The following IL1RAPL1 variants were observed in gnomAD, a reference collection of about 807,000 sequenced individuals.
The protein encoded by IL1RAPL1 is interleukin 1 receptor accessory protein like 1, also known as interleukin-1 receptor accessory protein-like 1.
In IL1RAPL1, 3 loss-of-function variants were observed where a neutral mutation model predicts 48.4. The observed-to-expected ratio is 0.06, with a 90% CI of 0.03 to 0.16. IL1RAPL1 has a LOEUF of 0.16. Among genes scored for constraint, IL1RAPL1 ranks in the 10% least tolerant of loss-of-function variants. The pLI, the probability that IL1RAPL1 is intolerant of heterozygous loss-of-function variation, is 1.00. For missense variants in IL1RAPL1, 349 were observed against 530.6 expected (o/e 0.66, Z 3.36); for synonymous variants, 185 against 187.7 (o/e 0.99, Z 0.12).
At chrX:29,434,617 T>C (rs1034854227) in intron 5 of IL1RAPL1, among the ~76,000 whole-genome samples, 3 of 111,126 alleles carry the variant, frequency 2.7e-5, no homozygotes, top group Non-Finnish European at 1.9e-5. Flanking sequence ...TTTCCTAATA[T>C]TTTGAGTGGA....
chrX:29,675,529 A>C (rs1047872881), intron 6 of IL1RAPL1, among the ~76,000 whole-genome samples: 2 of 112,666 alleles, frequency 1.8e-5, no homozygotes, highest in African/African-American at 6.5e-5. Flanking sequence ...TTGCAATTCT[A>C]AATGAAGAAC....
At chrX:28,607,923 G>C (rs138631244) in intron 1 of IL1RAPL1, among the ~76,000 whole-genome samples, 2 of 111,060 alleles carry the variant, frequency 1.8e-5, no homozygotes, top group Non-Finnish European at 3.8e-5. Flanking sequence ...AGAATTCCAC[G>C]GGAGTTTTGG....
intron 6 of IL1RAPL1, among the ~76,000 whole-genome samples, chrX:29,842,754 C>T (rs969393283): frequency 2.6e-4 from 29 of 112,173 alleles, no homozygotes; most frequent in Non-Finnish European, 3.6e-4. Flanking sequence ...TACAGTGCAA[C>T]GGAGACTTCA....
chrX:29,345,622 C>T (rs1569291554), intron 3 of IL1RAPL1, among the ~76,000 whole-genome samples: 1 of 111,169 alleles, frequency 9.0e-6, no homozygotes. Flanking sequence ...TAAATGTTTA[C>T]AGGTTAAATG....
At position 29,158,851 on chromosome X, in the gene IL1RAPL1, G is replaced by T. The variant is rs190489232; in HGVS notation, c.83-124087G>T. Among the ~76,000 whole-genome samples the T allele has an allele frequency of 6.8e-3, 739 of 109,034 alleles. 5 individuals are homozygous for T. Among genetic ancestry groups the T allele is most frequent in the African/African-American group, 0.022 (665 of 29,914 alleles). 94.7% of individuals were successfully genotyped at this position (109,034 alleles called of 115,157 possible). A position where few individuals can be genotyped will look rare whatever the true frequency, so the allele number is the denominator to read the frequency against. ...GCCTATAGCAGAGAATGAGTAGCAC[G>T]TTGCGCTGTCTTTGGGGTCCTGGAT... On this transcript the variant is annotated intron_variant, in intron 2 of 10. Coordinates refer to ENST00000378993, the MANE Select transcript of IL1RAPL1 (RefSeq NM_014271.4).
intron 2 of IL1RAPL1, among the ~76,000 whole-genome samples, chrX:29,177,168 C>G (rs1050193124): frequency 9.0e-6 from 1 of 111,530 alleles, no homozygotes; most frequent in African/African-American, 3.3e-5. Flanking sequence ...AGAAGCAGTT[C>G]TGCCCATTAG....
chrX:29,438,547 T>C (rs1246179423), intron 5 of IL1RAPL1, among the ~76,000 whole-genome samples: 2 of 111,008 alleles, frequency 1.8e-5, no homozygotes, highest in Non-Finnish European at 3.8e-5. Flanking sequence ...AGCACTGCTT[T>C]GGCTACATCC....
chrX:29,255,529 G>C (rs1366248139), intron 2 of IL1RAPL1, among the ~76,000 whole-genome samples: 1 of 110,988 alleles, frequency 9.0e-6, no homozygotes, highest in Non-Finnish European at 1.9e-5. Context: ...TGATACTGAA[G>C]TTTGGGCTTC....
chrX:29,774,945 T>C (rs994781680), intron 6 of IL1RAPL1, among the ~76,000 whole-genome samples: 5 of 112,590 alleles, frequency 4.4e-5, no homozygotes, highest in African/African-American at 1.6e-4. Context: ...TGAAGTACTG[T>C]GCTTTGGCAA....
chrX:29,898,569 T>A (rs1932434334), intron 6 of IL1RAPL1, among the ~76,000 whole-genome samples: 1 of 112,135 alleles, frequency 8.9e-6, no homozygotes, highest in Non-Finnish European at 1.9e-5. Flanking sequence ...GAGTTAGATA[T>A]GCTTATATAG....
chrX:28,663,851 C>T (rs1934846982), intron 1 of IL1RAPL1, among the ~76,000 whole-genome samples: 1 of 112,193 alleles, frequency 8.9e-6, no homozygotes, highest in African/African-American at 3.2e-5. Flanking sequence ...GCATTATCAA[C>T]TTGTTTTCTC....
chrX:29,567,725 A>T (rs1447641489), intron 5 of IL1RAPL1, among the ~76,000 whole-genome samples: 1 of 111,673 alleles, frequency 9.0e-6, no homozygotes, highest in Non-Finnish European at 1.9e-5. Context: ...CAATGTAAAA[A>T]TGGCACGTGA....
chrX:28,663,256 C>A (rs1934841032), intron 1 of IL1RAPL1, among the ~76,000 whole-genome samples: 1 of 111,744 alleles, frequency 8.9e-6, no homozygotes, highest in South Asian at 3.8e-4. Context: ...CTTCAGGTGA[C>A]CTGAACATGC....
intron 1 of IL1RAPL1, among the ~76,000 whole-genome samples, chrX:28,721,391 T>A (rs1211408951): frequency 1.8e-5 from 2 of 112,350 alleles, no homozygotes; most frequent in Non-Finnish European, 3.8e-5. Flanking sequence ...ATAAATGTCT[T>A]CTTTTGAGAA....
intron 2 of IL1RAPL1, among the ~76,000 whole-genome samples, chrX:28,918,873 G>C (rs1923550630): frequency 9.0e-6 from 1 of 111,431 alleles, no homozygotes; most frequent in African/African-American, 3.3e-5. Flanking sequence ...AAACCTTGTA[G>C]GGGGTTTGAG....
chrX:28,969,800 C>T (rs1925010144), intron 2 of IL1RAPL1, among the ~76,000 whole-genome samples: 1 of 106,583 alleles, frequency 9.4e-6, no homozygotes, highest in Non-Finnish European at 1.9e-5. Flanking sequence ...AATATTTTGG[C>T]TTATTTTTTT....
intron 5 of IL1RAPL1, among the ~76,000 whole-genome samples, chrX:29,554,650 G>A (rs1017195767): frequency 9.0e-6 from 1 of 111,268 alleles, no homozygotes; most frequent in African/African-American, 3.3e-5. Flanking sequence ...AGCATTTTAA[G>A]TTCCACAGTA....
At chrX:28,817,451 A>C (rs2147279422) in intron 2 of IL1RAPL1, among the ~76,000 whole-genome samples, 1 of 111,059 alleles carries the variant, frequency 9.0e-6, no homozygotes, top group South Asian at 3.8e-4. Flanking sequence ...CTGAGATAGC[A>C]ACAGTTTGCC....
intron 6 of IL1RAPL1, among the ~76,000 whole-genome samples, chrX:29,895,790 G>A (rs1932372073): frequency 8.9e-6 from 1 of 111,919 alleles, no homozygotes; most frequent in Non-Finnish European, 1.9e-5. Context: ...GATGCTTGTG[G>A]GATATCCAAA....
Sources: gnomAD v4.1 joint callset for allele counts (sites outside exome capture counted in the v4.1 genomes callset) on GRCh38, gnomAD v4.1.1 for gene constraint, MANE v1.5 for transcripts, NCBI Gene and HGNC (gene_info 2026-07-23, HGNC 2026-07-21) for gene names.